The following EIF3C variants were observed in gnomAD, a reference collection of about 807,000 sequenced individuals.
The protein encoded by EIF3C is eukaryotic translation initiation factor 3 subunit C, also known as cell migration-inducing protein 17.
Under a neutral mutation model 11.1 loss-of-function variants are expected in EIF3C, and 2 were observed. The ratio of observed to expected loss-of-function variants is 0.18; its 90% CI spans 0.07 to 0.57. EIF3C has a LOEUF of 0.57. Among genes scored for constraint, EIF3C ranks in the 20% least tolerant of loss-of-function variants. The pLI is 0.92. For synonymous variants in EIF3C, 2 were observed against 41.5 expected (o/e 0.05, Z 3.66); for missense variants, 16 against 114.6 (o/e 0.14, Z 3.93).
chr16:28,696,484 G>A (rs2151785587), intron 1 of EIF3C, among the ~76,000 whole-genome samples: 1 of 49,802 alleles, frequency 2.0e-5, no homozygotes, highest in Non-Finnish European at 3.5e-5. Flanking sequence ...TCCAATTGCA[G>A]CTGCTGCCTC....
chr16:28,718,569 C>T, intron 8 of EIF3C, among the ~76,000 whole-genome samples: 1 of 52,478 alleles, frequency 1.9e-5, no homozygotes, highest in African/African-American at 1.4e-4. Context: ...TTTGTAATAG[C>T]TTTATTGAGG....
At chr16:28,700,934 T>A (rs557750002) in intron 1 of EIF3C, 2 of 205,328 alleles carry the variant, frequency 9.7e-6, no homozygotes, top group African/African-American at 4.3e-5. Flanking sequence ...GGAGTCTTGC[T>A]CTGTCGCCCA....
intron 15 of EIF3C, among the ~76,000 whole-genome samples, chr16:28,728,495 G>GT (rs1233925340): frequency 6.2e-5 from 5 of 80,256 alleles, no homozygotes; most frequent in African/African-American, 2.0e-4. Flanking sequence ...ATCTTTTAGG[G>GT]GGTGTGTGTG....
At chr16:28,698,313 C>T (rs1447092011) in intron 1 of EIF3C, among the ~76,000 whole-genome samples, 1 of 106,248 alleles carries the variant, frequency 9.4e-6, no homozygotes. Flanking sequence ...GGGCTCCTCA[C>T]TTCCCAGTAG....
intron 1 of EIF3C, among the ~76,000 whole-genome samples, chr16:28,697,992 G>GC (rs1464282915): frequency 1.5e-5 from 1 of 65,858 alleles, no homozygotes; most frequent in Non-Finnish European, 2.7e-5. Context: ...TGGCCGGGCG[G>GC]GGGGGCTGAC....
chr16:28,700,641 C>G (rs1244254795), intron 1 of EIF3C: 1 of 225,918 alleles, frequency 4.4e-6, no homozygotes, highest in African/African-American at 3.9e-5. Context: ...TCCGTGGAGG[C>G]TTCCAGCTCG....
At chr16:28,697,159 C>A (rs2151785946) in intron 1 of EIF3C, among the ~76,000 whole-genome samples, 1 of 26,586 alleles carries the variant, frequency 3.8e-5, no homozygotes, top group Admixed American at 4.7e-4. Flanking sequence ...TTTTTGCATT[C>A]CTAAAGTGCA....
intron 15 of EIF3C, among the ~76,000 whole-genome samples, chr16:28,730,089 C>T (rs1466929779): frequency 4.8e-5 from 7 of 146,210 alleles, no homozygotes; most frequent in South Asian, 2.2e-4. Flanking sequence ...AGTGCAGTGG[C>T]GCGATCTCGG....
chr16:28,698,408 C>T (rs1285008087), intron 1 of EIF3C, among the ~76,000 whole-genome samples: 2 of 92,554 alleles, frequency 2.2e-5, no homozygotes, highest in African/African-American at 1.3e-4. Context: ...CCCTCCCGGA[C>T]GGCATGGCTG....
chr16:28,712,882 C>A (rs2048315781), intron 2 of EIF3C, among the ~76,000 whole-genome samples: 1 of 148,878 alleles, frequency 6.7e-6, no homozygotes, highest in South Asian at 2.1e-4. Flanking sequence ...CCTGTAACCC[C>A]AGCAACTTAG....
intron 15 of EIF3C, among the ~76,000 whole-genome samples, chr16:28,728,425 AGGGGTGTGTGTGTGTCTCTTTTAG>A (rs979085026): frequency 1.5e-4 from 4 of 26,790 alleles, no homozygotes; most frequent in South Asian, 1.3e-3. Context: ...AAGATCTTTT[AGGGGTGTGTGTGTGTCTCTTTTAG>A]GGGGTGTGTG....
At chr16:28,733,405 G>GTT (rs1310549161) in intron 16 of EIF3C, among the ~76,000 whole-genome samples, 14 of 1,374 alleles carry the variant, frequency 0.01, 1 homozygote, top group East Asian at 0.046. Context: ...TTTTGCAAGT[G>GTT]TTAATATGGT....
intron 10 of EIF3C, among the ~76,000 whole-genome samples, chr16:28,723,771 CTCT>C (rs2048369934): frequency 7.3e-5 from 1 of 13,776 alleles, no homozygotes; most frequent in African/African-American, 2.9e-4. Flanking sequence ...TAATGTTCTC[CTCT>C]TTTTTTTTTT....
chr16:28,729,907 C>T (rs2048424549), intron 15 of EIF3C, among the ~76,000 whole-genome samples: 1 of 150,640 alleles, frequency 6.6e-6, no homozygotes, highest in East Asian at 2.0e-4. Flanking sequence ...CTGCAGGAGC[C>T]ACGATCACGC....
At chr16:28,699,066 GGGGTGGC>G (rs1253279539) in intron 1 of EIF3C, among the ~76,000 whole-genome samples, 1 of 7,214 alleles carries the variant, frequency 1.4e-4, no homozygotes, top group Non-Finnish European at 2.4e-4. Flanking sequence ...CTTCCCAGAC[GGGGTGGC>G]GGCCGGGCAG....
rs1247669269 is a variant in EIF3C at position 28,697,843 on chromosome 16, G to A, written c.-31+9015G>A. ...GGCTGACCCCCCCCACCTCCCTCCC[G>A]GACGGGGCGGCTGGCCGGGCGGGGG... On this transcript the variant is annotated intron_variant, in intron 1 of 20. Coordinates refer to the EIF3C transcript ENST00000566501. Among the ~76,000 whole-genome samples the A allele has an allele frequency of 3.2e-5, 3 of 92,694 alleles. 1 individual carries two copies. The highest frequency in any genetic ancestry group is 6.1e-5 in the Non-Finnish European group (3 of 49,096). The allele number at this position is 92,694 out of a possible 152,430, so 60.8% of individuals were successfully genotyped here. A position where few individuals can be genotyped will look rare whatever the true frequency, so the allele number is the denominator to read the frequency against.
intron 1 of EIF3C, among the ~76,000 whole-genome samples, chr16:28,699,755 G>T (rs1451012241): frequency 1.1e-5 from 1 of 88,182 alleles, no homozygotes; most frequent in African/African-American, 5.0e-5. Context: ...TGTTGGCCAG[G>T]CTGGTCTTCA....
intron 1 of EIF3C, among the ~76,000 whole-genome samples, chr16:28,697,881 A>G (rs1596703126): frequency 1.8e-5 from 1 of 54,354 alleles, no homozygotes; most frequent in Admixed American, 1.8e-4. Flanking sequence ...TGACCCCCCA[A>G]CCTCCCTCCC....
intron 1 of EIF3C, among the ~76,000 whole-genome samples, chr16:28,698,232 G>A (rs1481255640): frequency 4.0e-5 from 5 of 125,506 alleles, no homozygotes; most frequent in African/African-American, 6.1e-5. Flanking sequence ...CCTCCCGGAC[G>A]GGGCGGCTGG....
Sources: allele counts gnomAD v4.1 joint callset (sites outside exome capture counted in the v4.1 genomes callset), GRCh38; gene constraint gnomAD v4.1.1; transcripts MANE v1.5; gene names NCBI Gene and HGNC (gene_info 2026-07-23, HGNC 2026-07-21).